Variants in TBC1D22A observed in about 807,000 individuals in gnomAD.
TBC1D22A encodes the protein TBC1 domain family member 22A, also known as putative GTPase activator.
In TBC1D22A, 38 loss-of-function variants were observed where a neutral mutation model predicts 60.2. The observed-to-expected ratio is 0.63, with a 90% CI of 0.49 to 0.83. TBC1D22A has a LOEUF of 0.83. Ranked by LOEUF, TBC1D22A falls within the 40% of genes least tolerant of loss-of-function variation. The pLI, the probability that TBC1D22A is intolerant of heterozygous loss-of-function variation, is 0.00. For missense variants in TBC1D22A, 628 were observed against 701.0 expected, an observed-to-expected ratio of 0.90 and a Z score of 1.18; for synonymous variants, 302 against 281.7, an observed-to-expected ratio of 1.07 and a Z score of -0.72.
chr22:46,811,305 A>G (rs1458703221), intron 4 of TBC1D22A, among the ~76,000 whole-genome samples: 3 of 152,172 alleles, frequency 2.0e-5, no homozygotes, highest in African/African-American at 7.2e-5. Flanking sequence ...AGGTGACAAG[A>G]AAGCAAGGTT....
intron 4 of TBC1D22A, among the ~76,000 whole-genome samples, chr22:46,848,785 G>A (rs573497163): frequency 4.6e-4 from 70 of 152,186 alleles, no homozygotes; most frequent in Middle Eastern, 3.4e-3. Flanking sequence ...GTAGTCTCAC[G>A]TACACTTTGG....
At chr22:47,092,758 T>G (rs1221847977) in intron 11 of TBC1D22A, among the ~76,000 whole-genome samples, 1 of 152,228 alleles carries the variant, frequency 6.6e-6, no homozygotes. Flanking sequence ...GTTGAGGCTT[T>G]GACGTATTAA....
intron 7 of TBC1D22A, among the ~76,000 whole-genome samples, chr22:46,909,586 T>A (rs1429477150): frequency 6.6e-6 from 1 of 152,152 alleles, no homozygotes; most frequent in Non-Finnish European, 1.5e-5. Flanking sequence ...CCCCATTTCT[T>A]CCTAACTCTG....
At chr22:46,802,849 T>G in intron 4 of TBC1D22A, among the ~76,000 whole-genome samples, 2 of 132,568 alleles carry the variant, frequency 1.5e-5, no homozygotes, top group Non-Finnish European at 1.6e-5. Flanking sequence ...GGGCTGGGGA[T>G]GTGGGTGGGG....
At chr22:47,058,596 C>G (rs1050596429) in intron 11 of TBC1D22A, among the ~76,000 whole-genome samples, 3 of 151,928 alleles carry the variant, frequency 2.0e-5, no homozygotes, top group African/African-American at 7.3e-5. Flanking sequence ...GCCACTGTCC[C>G]CTGGTTCCGA....
chr22:46,907,121 C>T (rs545404882), intron 7 of TBC1D22A, among the ~76,000 whole-genome samples: 4 of 151,742 alleles, frequency 2.6e-5, no homozygotes, highest in South Asian at 4.2e-4. Context: ...CTTCTCCGTG[C>T]GTGTGCTCTT....
At chr22:47,041,941 G>A (rs1348906179) in intron 11 of TBC1D22A, among the ~76,000 whole-genome samples, 2 of 152,196 alleles carry the variant, frequency 1.3e-5, no homozygotes, top group African/African-American at 2.4e-5. Flanking sequence ...CTAACCTATA[G>A]CAAGTGCCTG....
chr22:46,928,498 A>G (rs2071173497), intron 8 of TBC1D22A, among the ~76,000 whole-genome samples: 1 of 152,240 alleles, frequency 6.6e-6, no homozygotes, highest in African/African-American at 2.4e-5. Context: ...AATCTTCATG[A>G]CCTTGGGTTA....
intron 7 of TBC1D22A, among the ~76,000 whole-genome samples, chr22:46,911,530 G>A (rs2069924650): frequency 6.6e-6 from 1 of 152,192 alleles, no homozygotes; most frequent in African/African-American, 2.4e-5. Flanking sequence ...CTTCTGCTGG[G>A]AGAGCCAGCT....
At chr22:47,087,295 ACTTCT>A (rs1298997321) in intron 11 of TBC1D22A, among the ~76,000 whole-genome samples, 7 of 152,270 alleles carry the variant, frequency 4.6e-5, no homozygotes, top group Non-Finnish European at 1.0e-4. Flanking sequence ...CTGAAGCCTG[ACTTCT>A]CTTCTCTGAA....
rs1569416465 is a variant in TBC1D22A, at chr22:47,070,059, T to C, written c.1329+32861T>C. 2.2e-5 allele frequency among the ~76,000 whole-genome samples: 3 copies of C among 133,920 alleles called. 1 individual carries two copies. Among genetic ancestry groups the C allele is most frequent in the Admixed American group, 7.4e-5 (1 of 13,576 alleles). The allele number at this position is 133,920 out of a possible 152,430, so 87.9% of individuals were successfully genotyped here. A position where few individuals can be genotyped will look rare whatever the true frequency, so the allele number is the denominator to read the frequency against. On this transcript the variant is annotated intron_variant, in intron 11 of 12. Transcript: ENST00000337137. ...AGCTGACCTGATGGTTCCAGGCTGT[T>C]CCCTGTTGTTTGGTTGGACGCTGTC...
At chr22:47,092,541 A>C (rs1018636112) in intron 11 of TBC1D22A, among the ~76,000 whole-genome samples, 1 of 152,174 alleles carries the variant, frequency 6.6e-6, no homozygotes, top group African/African-American at 2.4e-5. Flanking sequence ...CAGGCTGCAC[A>C]CTGGTGTGCA....
intron 4 of TBC1D22A, among the ~76,000 whole-genome samples, chr22:46,866,971 G>A (rs2067085852): frequency 6.6e-6 from 1 of 152,172 alleles, no homozygotes; most frequent in African/African-American, 2.4e-5. Flanking sequence ...TTTTGTATCC[G>A]TGGCTTGGGC....
At chr22:47,060,619 A>G (rs1448341568) in intron 11 of TBC1D22A, among the ~76,000 whole-genome samples, 1 of 151,974 alleles carries the variant, frequency 6.6e-6, no homozygotes, top group Non-Finnish European at 1.5e-5. Context: ...TTTAATAGAG[A>G]CGGGGTTTTG....
intron 8 of TBC1D22A, among the ~76,000 whole-genome samples, chr22:46,941,495 C>T (rs1328377032): frequency 7.3e-6 from 1 of 137,600 alleles, no homozygotes; most frequent in Admixed American, 7.6e-5. Context: ...AATATATATA[C>T]ACGGAATATA....
intron 4 of TBC1D22A, among the ~76,000 whole-genome samples, chr22:46,824,214 G>A (rs2085951197): frequency 6.6e-6 from 1 of 152,178 alleles, no homozygotes; most frequent in South Asian, 2.1e-4. Flanking sequence ...CTTTTTGGGT[G>A]TCCTGTAGCT....
At position 47,081,717 on chromosome 22, in the gene TBC1D22A, T is replaced by A. The variant is rs921263293; in HGVS notation, c.1330-29791T>A. 2.0e-5 allele frequency among the ~76,000 whole-genome samples: 3 copies of A among 152,174 alleles called. No individual in the cohort carries two copies. The South Asian group carries it at 6.2e-4, about 32-fold the overall frequency. On this transcript the variant is annotated intron_variant, in intron 11 of 12. Coordinates refer to ENST00000337137, the MANE Select transcript of TBC1D22A (RefSeq NM_014346.5). ...TATCATTTTATAACAACATTAAAAA[T>A]CCTAAAAATACTTAGGGATAAATTT...
intron 11 of TBC1D22A, among the ~76,000 whole-genome samples, chr22:47,099,600 C>T (rs1297966457): frequency 6.6e-6 from 1 of 152,110 alleles, no homozygotes; most frequent in African/African-American, 2.4e-5. Context: ...CATGTGCCAC[C>T]ACACCCAGCT....
intron 7 of TBC1D22A, among the ~76,000 whole-genome samples, chr22:46,898,287 T>C (rs1341248783): frequency 6.6e-6 from 1 of 152,168 alleles, no homozygotes; most frequent in Non-Finnish European, 1.5e-5. Context: ...CTTGAGCTGT[T>C]GGTTTGGAAA....
Sources: gnomAD v4.1 joint callset for allele counts (sites outside exome capture counted in the v4.1 genomes callset) on GRCh38, gnomAD v4.1.1 for gene constraint, MANE v1.5 for transcripts, NCBI Gene and HGNC (gene_info 2026-07-23, HGNC 2026-07-21) for gene names.